TCF25: variants seen among roughly 807,000 people sequenced by gnomAD.
The protein encoded by TCF25 is ribosome quality control complex subunit TCF25.
Under a neutral mutation model 83.1 loss-of-function variants are expected in TCF25, and 41 were observed. That is an observed-to-expected ratio of 0.49 (90% CI 0.38 to 0.64). The LOEUF (loss-of-function observed/expected upper bound fraction) is 0.64. Among genes scored for constraint, TCF25 ranks in the 30% least tolerant of loss-of-function variants. The probability of loss-of-function intolerance (pLI) is 0.00; values close to 1 mark genes in which losing one functional copy is unlikely to be tolerated. For synonymous variants in TCF25, 458 were observed against 365.0 expected (o/e 1.25, Z -2.90); for missense variants, 979 against 914.5 (o/e 1.07, Z -0.91).
chr16:89,909,675 CAAA>C (rs570932821), intron 16 of TCF25: 45 of 90,162 alleles, frequency 5.0e-4, no homozygotes, highest in African/African-American at 6.7e-4. Flanking sequence ...GACTCCATCT[CAAA>C]AAAAAAAAAA....
chr16:89,889,295 A>C (rs2043247887), intron 5 of TCF25: 1 of 362,512 alleles, frequency 2.8e-6, no homozygotes, highest in South Asian at 2.2e-5. Context: ...CTCCCATCTC[A>C]GTCTCCCAAA....
At chr16:89,878,526 T>A in intron 1 of TCF25, 1 of 1,241,056 alleles carries the variant, frequency 8.1e-7, no homozygotes, top group Non-Finnish European at 1.0e-6. Context: ...TTAACTGAAA[T>A]GCTGATCGAG....
rs542658681 is a variant in TCF25, at chr16:89,897,385, C to T, written c.1023-1172C>T. ...TTTGTGGAGCAGACCAGCTTCTGTC[C>T]GCTGTCCTGCCTCTCCTGTGTGCAG... is the stretch of plus-strand genomic sequence containing the variant. On this transcript the variant is annotated intron_variant, in intron 9 of 17. Transcript: ENST00000263346. 7.9e-5 allele frequency among the ~76,000 whole-genome samples: 12 copies of T among 152,358 alleles called. No individual in the cohort carries two copies. In the East Asian group the frequency reaches 9.6e-4, roughly 12 times the overall value.
At chr16:89,879,329 G>T (rs2042434108) in intron 1 of TCF25, among the ~76,000 whole-genome samples, 1 of 147,330 alleles carries the variant, frequency 6.8e-6, no homozygotes, top group African/African-American at 2.5e-5. Flanking sequence ...TGCTGTTCGT[G>T]TACACAGACG....
intron 1 of TCF25, chr16:89,878,482 C>T (rs925767702): frequency 1.1e-5 from 14 of 1,230,930 alleles, no homozygotes; most frequent in African/African-American, 3.3e-5. Flanking sequence ...ATTTTCCTCT[C>T]CCCCTAAAAA....
At chr16:89,875,280 T>C (rs1047085322) in intron 1 of TCF25, among the ~76,000 whole-genome samples, 1 of 152,208 alleles carries the variant, frequency 6.6e-6, no homozygotes, top group Non-Finnish European at 1.5e-5. Context: ...TCGTTGACCA[T>C]TTATATTTCT....
chr16:89,909,385 C>T (rs2144342221), intron 16 of TCF25: 1 of 294,692 alleles, frequency 3.4e-6, no homozygotes, highest in East Asian at 8.5e-5. Flanking sequence ...GTGCCGCACA[C>T]CTGTAGTCCC....
rs553947739 is a variant in TCF25, at chr16:89,894,098, C to T, written c.828+240C>T. Among the ~76,000 whole-genome samples the T allele has an allele frequency of 7.1e-3, 1,088 of 152,312 alleles. 4 individuals are homozygous for T. Among genetic ancestry groups the T allele is most frequent in the Non-Finnish European group, 0.011 (732 of 68,012 alleles). ...GAGGCTGGAGCGCTGCTCTCTCAGC[C>T]GTTCCTGGGGACCGTCGCAGTAGTG... On this transcript the variant is annotated intron_variant, in intron 7 of 17. Coordinates refer to ENST00000263346, the MANE Select transcript of TCF25 (RefSeq NM_014972.3).
intron 1 of TCF25, among the ~76,000 whole-genome samples, chr16:89,875,513 GTTTTTTTTT>G (rs1193815042): frequency 6.1e-5 from 4 of 66,010 alleles, no homozygotes; most frequent in Middle Eastern, 0.012. Flanking sequence ...CCTGACGTGA[GTTTTTTTTT>G]TTTTTTTTTT....
chr16:89,910,304 G>GC, intron 16 of TCF25: 1 of 517,162 alleles, frequency 1.9e-6, no homozygotes. Flanking sequence ...CTGTGCAGTG[G>GC]CCGAGGATGG....
At chr16:89,892,392 G>C (rs941153967) in intron 6 of TCF25, 117 bp downstream of exon 6, 9 of 1,094,170 alleles carry the variant, frequency 8.2e-6, no homozygotes, top group African/African-American at 3.2e-5. Flanking sequence ...GGAGGGCGGC[G>C]GGGGGGTGTG....
At chr16:89,900,933 C>G in intron 12 of TCF25, 139 bp downstream of exon 12, 4 of 994,566 alleles carry the variant, frequency 4.0e-6, no homozygotes, top group Non-Finnish European at 4.1e-6. Flanking sequence ...GGCCTGCAAA[C>G]CTGCCCTACC....
At chr16:89,890,982 C>G (rs1029391798) in intron 5 of TCF25, among the ~76,000 whole-genome samples, 2 of 152,156 alleles carry the variant, frequency 1.3e-5, no homozygotes, top group Non-Finnish European at 2.9e-5. Context: ...GTTTCCATTT[C>G]TCCTTCTGGT....
At chr16:89,876,304 T>G (rs2042184295) in intron 1 of TCF25, among the ~76,000 whole-genome samples, 1 of 152,252 alleles carries the variant, frequency 6.6e-6, no homozygotes, top group Non-Finnish European at 1.5e-5. Flanking sequence ...ATAATCAAAA[T>G]GTTTATTGGC....
chr16:89,893,921 G>A (rs1597330894), intron 7 of TCF25, 63 bp downstream of exon 7: 18 of 1,542,998 alleles, frequency 1.2e-5, no homozygotes, highest in South Asian at 5.9e-5. Flanking sequence ...GCCCTGGGCC[G>A]CCTGCTTCCC....
intron 8 of TCF25, among the ~76,000 whole-genome samples, chr16:89,895,595 C>A (rs1488668633): frequency 6.6e-6 from 1 of 152,254 alleles, no homozygotes; most frequent in African/African-American, 2.4e-5. Flanking sequence ...CTTAGTAATA[C>A]TCCACTGTGT....
intron 5 of TCF25, chr16:89,889,329 C>T (rs2043250058): frequency 2.0e-5 from 6 of 294,082 alleles, no homozygotes; most frequent in South Asian, 1.7e-4. Context: ...CGGCACATGC[C>T]ACCGCTAATT....
chr16:89,893,452 C>T (rs1432697660), intron 6 of TCF25, among the ~76,000 whole-genome samples: 7 of 152,224 alleles, frequency 4.6e-5, no homozygotes, highest in Non-Finnish European at 1.0e-4. Flanking sequence ...GACATTCCCT[C>T]CAGGCCAGTG....
chr16:89,904,723 C>A (rs2144254663), intron 13 of TCF25: 2 of 696,288 alleles, frequency 2.9e-6, no homozygotes, highest in Admixed American at 2.1e-5. Flanking sequence ...GTCAGTCCTG[C>A]TTCCTAAAGA....
Sources: gnomAD v4.1 joint callset for allele counts (sites outside exome capture counted in the v4.1 genomes callset) on GRCh38, gnomAD v4.1.1 for gene constraint, MANE v1.5 for transcripts, NCBI Gene and HGNC (gene_info 2026-07-23, HGNC 2026-07-21) for gene names.